The following CPA6 variants were observed in gnomAD, a reference collection of about 807,000 sequenced individuals.
The protein encoded by CPA6 is carboxypeptidase A6, also known as carboxypeptidase B.
In CPA6, 58 loss-of-function variants were observed where a neutral mutation model predicts 63.3. The ratio of observed to expected loss-of-function variants is 0.92; its 90% CI spans 0.74 to 1.14. The LOEUF (loss-of-function observed/expected upper bound fraction) is 1.14. Among genes scored for constraint, CPA6 ranks in the 50% most tolerant of loss-of-function variants. The pLI is 0.00. For missense variants in CPA6, 565 were observed against 526.6 expected (o/e 1.07, Z -0.71); for synonymous variants, 185 against 179.0 (o/e 1.03, Z -0.27).
intron 8 of CPA6, among the ~76,000 whole-genome samples, chr8:67,479,273 T>G (rs1811307484): frequency 6.6e-6 from 1 of 152,198 alleles, no homozygotes; most frequent in Admixed American, 6.5e-5. Context: ...GGACAGGCAT[T>G]TGTCATCAAC....
At chr8:67,558,016 G>T (rs1438772031) in intron 2 of CPA6, among the ~76,000 whole-genome samples, 1 of 152,062 alleles carries the variant, frequency 6.6e-6, no homozygotes, top group African/African-American at 2.4e-5. Flanking sequence ...TGTTCTCTAA[G>T]CCACTGTATG....
At chr8:67,448,678 A>C (rs1396212168) in intron 8 of CPA6, among the ~76,000 whole-genome samples, 1 of 149,146 alleles carries the variant, frequency 6.7e-6, no homozygotes, top group Non-Finnish European at 1.5e-5. Context: ...AAGAAAAAAA[A>C]AGAAAGAAAA....
intron 8 of CPA6, among the ~76,000 whole-genome samples, chr8:67,455,663 C>CAAAGA (rs1810656296): frequency 3.3e-5 from 1 of 30,250 alleles, no homozygotes; most frequent in Non-Finnish European, 5.2e-5. Context: ...TCTACAAAAG[C>CAAAGA]AAAAAAAAAA....
intron 1 of CPA6, among the ~76,000 whole-genome samples, chr8:67,642,545 TGAA>T (rs140988659): frequency 0.01 from 1,568 of 152,186 alleles, 20 homozygotes; most frequent in Non-Finnish European, 0.019. Flanking sequence ...AACGCACTTG[TGAA>T]GAAGAAGGTG....
intron 1 of CPA6, among the ~76,000 whole-genome samples, chr8:67,679,707 A>G (rs553216159): frequency 2.6e-4 from 40 of 152,262 alleles, no homozygotes; most frequent in African/African-American, 7.9e-4. Context: ...CTTGGCCACA[A>G]CACCCTCACC....
At chr8:67,496,523 ATATAT>A in intron 6 of CPA6, among the ~76,000 whole-genome samples, 2 of 22,974 alleles carry the variant, frequency 8.7e-5, no homozygotes, top group Non-Finnish European at 2.6e-4. Context: ...TATAGTTTAT[ATATAT>A]ATATATATAT....
intron 1 of CPA6, among the ~76,000 whole-genome samples, chr8:67,665,583 C>T (rs1816209155): frequency 6.6e-6 from 1 of 152,162 alleles, no homozygotes; most frequent in South Asian, 2.1e-4. Context: ...AACTTTATGT[C>T]AATTTTTCTC....
chr8:67,482,006 A>G (rs941892539), intron 8 of CPA6, among the ~76,000 whole-genome samples: 5 of 152,256 alleles, frequency 3.3e-5, no homozygotes, highest in African/African-American at 1.2e-4. Context: ...GTTGGCTCAC[A>G]GAAAAAATCA....
intron 2 of CPA6, among the ~76,000 whole-genome samples, chr8:67,614,854 A>C (rs1265856081): frequency 1.3e-5 from 2 of 152,094 alleles, no homozygotes; most frequent in Non-Finnish European, 2.9e-5. Context: ...TCCCAATTGG[A>C]TGTTCTTTCT....
intron 1 of CPA6, among the ~76,000 whole-genome samples, chr8:67,689,519 T>C (rs530090411): frequency 5.3e-5 from 8 of 152,358 alleles, no homozygotes; most frequent in African/African-American, 1.7e-4. Context: ...AGTGAGAATA[T>C]GTGATATTTG....
intron 2 of CPA6, among the ~76,000 whole-genome samples, chr8:67,582,940 T>G (rs767738431): frequency 1.3e-5 from 2 of 152,094 alleles, no homozygotes; most frequent in Non-Finnish European, 2.9e-5. Flanking sequence ...TTGATAGTCT[T>G]TATTTATTTG....
chr8:67,453,302 G>A (rs1051200968), intron 8 of CPA6, among the ~76,000 whole-genome samples: 3 of 152,034 alleles, frequency 2.0e-5, no homozygotes, highest in African/African-American at 7.2e-5. Context: ...TTGGATGTAT[G>A]GTGTAAGAGA....
chr8:67,498,634 C>T (rs1443156221), intron 6 of CPA6, among the ~76,000 whole-genome samples: 2 of 149,514 alleles, frequency 1.3e-5, no homozygotes, highest in Non-Finnish European at 3.0e-5. Context: ...CTGTAGTATA[C>T]ATTTCAACAG....
intron 1 of CPA6, among the ~76,000 whole-genome samples, chr8:67,675,656 A>T (rs957864882): frequency 6.6e-6 from 1 of 152,198 alleles, no homozygotes; most frequent in South Asian, 2.1e-4. Context: ...GAATGACATT[A>T]TCACAACGAA....
At chr8:67,543,194 C>G (rs1210873644) in intron 2 of CPA6, among the ~76,000 whole-genome samples, 1 of 152,182 alleles carries the variant, frequency 6.6e-6, no homozygotes, top group Non-Finnish European at 1.5e-5. Context: ...TACTGCATTA[C>G]AGCAAAGCCA....
intron 2 of CPA6, among the ~76,000 whole-genome samples, chr8:67,607,072 G>GTCT (rs764912056): frequency 1.3e-5 from 2 of 149,900 alleles, no homozygotes; most frequent in African/African-American, 4.9e-5. Context: ...TCTCAAATCT[G>GTCT]TCTTCTTCTT....
chr8:67,549,536 G>T (rs1386546503), intron 2 of CPA6, among the ~76,000 whole-genome samples: 1 of 151,984 alleles, frequency 6.6e-6, no homozygotes, highest in Non-Finnish European at 1.5e-5. Flanking sequence ...AGTACACAAC[G>T]CAGTATCACT....
At chr8:67,655,879 A>G (rs1162822678) in intron 1 of CPA6, among the ~76,000 whole-genome samples, 1 of 152,218 alleles carries the variant, frequency 6.6e-6, no homozygotes, top group Non-Finnish European at 1.5e-5. Context: ...TTTTAAAAAG[A>G]AAATGTCTTT....
intron 8 of CPA6, among the ~76,000 whole-genome samples, chr8:67,456,167 C>G (rs1482522764): frequency 6.6e-6 from 1 of 152,188 alleles, no homozygotes; most frequent in African/African-American, 2.4e-5. Context: ...CGTTGTGTAA[C>G]TTAATTGATT....
Sources: gnomAD v4.1 joint callset for allele counts (sites outside exome capture counted in the v4.1 genomes callset) on GRCh38, gnomAD v4.1.1 for gene constraint, MANE v1.5 for transcripts, NCBI Gene and HGNC (gene_info 2026-07-23, HGNC 2026-07-21) for gene names.